Variants in CCDC175 observed in about 807,000 individuals in gnomAD.
CCDC175 encodes coiled-coil domain containing 175, also known as coiled-coil domain-containing protein 175.
In CCDC175, 100 loss-of-function variants were observed where a neutral mutation model predicts 114.6. The observed-to-expected ratio is 0.87, with a 90% CI of 0.74 to 1.03. The LOEUF (loss-of-function observed/expected upper bound fraction) is 1.03. Among genes scored for constraint, CCDC175 ranks in the 50% least tolerant of loss-of-function variants. The pLI is 0.00. For missense variants in CCDC175, 880 were observed against 917.8 expected (o/e 0.96, Z 0.53); for synonymous variants, 306 against 308.7 (o/e 0.99, Z 0.09).
At chr14:59,545,486 A>G (rs1242798926) in intron 8 of CCDC175, among the ~76,000 whole-genome samples, 187 bp from the exon 9 acceptor site, 1 of 152,120 alleles carries the variant, frequency 6.6e-6, no homozygotes, top group African/African-American at 2.4e-5. Flanking sequence ...TCTACTATAA[A>G]TTTTTTTAAG....
Position 59,510,744 on chromosome 14 carries a change from T to G in CCDC175, c.2207A>C (p.Glu736Ala), listed in dbSNP as rs1219989512. ...GACATGCTGCATTTTTTCATCTCTT[T>G]CACGCAGCTTGTCTGTTAGATTGTT... ...DINNLTDKLR[E>A]RDEKMQHVST... The change falls in exon 19 of 20, where the codon GAA (glutamate) becomes GCA (alanine). Residue 736 changes from glutamate (E) to alanine (A), a missense_variant. Transcript: ENST00000537690. 1 of 1,537,282 alleles carries G rather than the reference T, an allele frequency of 6.5e-7. No homozygotes were observed. The highest frequency in any genetic ancestry group is 2.0e-5 in the Admixed American group (1 of 50,982).
intron 5 of CCDC175, 93 bp downstream of exon 5, chr14:59,564,954 C>T: frequency 1.0e-6 from 1 of 967,976 alleles, no homozygotes; most frequent in Non-Finnish European, 1.5e-6. Flanking sequence ...ACAGAGGCTG[C>T]TTGCCAGCCT....
At chr14:59,541,906 C>G (rs192018325) in intron 10 of CCDC175, among the ~76,000 whole-genome samples, 1 of 152,120 alleles carries the variant, frequency 6.6e-6, no homozygotes, top group Non-Finnish European at 1.5e-5. Flanking sequence ...ATTAGTAGTT[C>G]GTAGTTTTCC....
At chr14:59,550,560 T>C (rs1895403863) in intron 8 of CCDC175, among the ~76,000 whole-genome samples, 1 of 152,084 alleles carries the variant, frequency 6.6e-6, no homozygotes. Context: ...ACAGGATAGA[T>C]GTATACATAA....
chr14:59,522,093 A>G (rs1893456558), intron 16 of CCDC175, among the ~76,000 whole-genome samples: 1 of 152,244 alleles, frequency 6.6e-6, no homozygotes, highest in South Asian at 2.1e-4. Flanking sequence ...AGGAGACTGC[A>G]TGGAATTACT....
chr14:59,559,278 A>C (rs1407746290), intron 7 of CCDC175, among the ~76,000 whole-genome samples: 1 of 152,208 alleles, frequency 6.6e-6, no homozygotes, highest in African/African-American at 2.4e-5. Context: ...TTAGAAAGGT[A>C]GGCATTGGAT....
chr14:59,547,348 C>A lies in CCDC175; in HGVS notation c.1036-2049G>T, dbSNP rs186070586. On this transcript the variant is annotated intron_variant, in intron 8 of 19. Coordinates refer to ENST00000537690, the MANE Select transcript of CCDC175 (RefSeq NM_001164399.2). ...GATTTAACACAATCCCAATCAAAATCCAAACAGGTTTTTTGGAAGAACGTG... is the reference window on the plus strand; with the variant it reads ...GATTTAACACAATCCCAATCAAAATACAAACAGGTTTTTTGGAAGAACGTG... 4.6e-5 allele frequency among the ~76,000 whole-genome samples: 7 copies of A among 152,254 alleles called. No homozygotes were observed. In the East Asian group the frequency reaches 1.2e-3, roughly 25 times the overall value.
chr14:59,565,467 G>A (rs1011953005), intron 4 of CCDC175, among the ~76,000 whole-genome samples, 192 bp from the exon 5 acceptor site: 2 of 152,186 alleles, frequency 1.3e-5, no homozygotes, highest in Non-Finnish European at 2.9e-5. Flanking sequence ...CACTTTGGGA[G>A]GCCGAGGTGG....
At chr14:59,510,437 G>A (rs1218430293) in intron 19 of CCDC175, 1 of 477,426 alleles carries the variant, frequency 2.1e-6, no homozygotes, top group East Asian at 3.5e-5. Context: ...TAGTTATCTA[G>A]AAAATTCTCT....
chr14:59,536,019 C>A (rs950762420), intron 13 of CCDC175, among the ~76,000 whole-genome samples: 4 of 152,196 alleles, frequency 2.6e-5, no homozygotes, highest in Admixed American at 2.6e-4. Flanking sequence ...CAGAGCTCCC[C>A]AGAGAGAGTT....
At chr14:59,515,981 T>C (rs1423157215) in intron 17 of CCDC175, among the ~76,000 whole-genome samples, 1 of 152,222 alleles carries the variant, frequency 6.6e-6, no homozygotes, top group East Asian at 1.9e-4. Flanking sequence ...CAGAACACAG[T>C]GCAATCAAAC....
chr14:59,554,206 T>C (rs958063215), intron 7 of CCDC175, among the ~76,000 whole-genome samples: 1 of 152,214 alleles, frequency 6.6e-6, no homozygotes, highest in African/African-American at 2.4e-5. Flanking sequence ...ATTGACCACA[T>C]AGTTAGAACT....
chr14:59,559,957 T>A (rs1896135414), intron 7 of CCDC175, among the ~76,000 whole-genome samples: 1 of 152,140 alleles, frequency 6.6e-6, no homozygotes, highest in Non-Finnish European at 1.5e-5. Context: ...GTAGTGAGGT[T>A]TTTATTCATA....
At chr14:59,544,739 T>A (rs1895002505) in intron 9 of CCDC175, among the ~76,000 whole-genome samples, 1 of 152,222 alleles carries the variant, frequency 6.6e-6, no homozygotes, top group South Asian at 2.1e-4. Context: ...AGTGTCGTGA[T>A]AATGCTCGAG....
At chr14:59,560,660 C>T (rs1896179614) in intron 7 of CCDC175, among the ~76,000 whole-genome samples, 1 of 152,152 alleles carries the variant, frequency 6.6e-6, no homozygotes, top group Admixed American at 6.6e-5. Context: ...AGACCTCCTT[C>T]AGTTTCTGGT....
At chr14:59,509,873 A>T (rs1892649503) in intron 19 of CCDC175, among the ~76,000 whole-genome samples, 1 of 152,170 alleles carries the variant, frequency 6.6e-6, no homozygotes, top group Non-Finnish European at 1.5e-5. Context: ...TCTAGTGATT[A>T]TGCTCTTTAA....
In CCDC175 at chr14:59,576,604, C is replaced by T. The variant is rs1897136541; in HGVS notation, c.157+15G>A. On this transcript the variant is annotated intron_variant, in intron 1 of 19. Coordinates refer to ENST00000537690, the MANE Select transcript of CCDC175 (RefSeq NM_001164399.2). ...CTGAGGAGACGTCCCTTCCAGCGCC[C>T]GAGGGGCGTCTTACCCACAACAAAC... The T allele has an allele frequency of 2.8e-6, 4 of 1,419,694 alleles. No individual in the cohort carries two copies. In the East Asian group the frequency reaches 1.2e-4, roughly 42 times the overall value. The allele number at this position is 1,419,694 out of a possible 1,614,324, so 87.9% of individuals were successfully genotyped here.
intron 13 of CCDC175, among the ~76,000 whole-genome samples, chr14:59,535,591 G>T (rs1894345624): frequency 1.3e-5 from 2 of 152,096 alleles, no homozygotes; most frequent in South Asian, 2.1e-4. Flanking sequence ...TATTGCTTTA[G>T]CTCCCTAATT....
intron 19 of CCDC175, among the ~76,000 whole-genome samples, chr14:59,506,684 C>G (rs777576665): frequency 6.6e-6 from 1 of 152,158 alleles, no homozygotes; most frequent in Non-Finnish European, 1.5e-5. Flanking sequence ...TTCCAAGAGA[C>G]AAGTACTAGG....
Sources: allele counts gnomAD v4.1 joint callset (sites outside exome capture counted in the v4.1 genomes callset), GRCh38; gene constraint gnomAD v4.1.1; transcripts MANE v1.5; gene names NCBI Gene and HGNC (gene_info 2026-07-23, HGNC 2026-07-21).